AGL: variants seen among roughly 807,000 people sequenced by gnomAD.
AGL encodes the protein amylo-alpha-1,6-glucosidase and 4-alpha-glucanotransferase.
Under a neutral mutation model 199.3 loss-of-function variants are expected in AGL, and 128 were observed. The observed-to-expected ratio is 0.64, with a 90% confidence interval of 0.56 to 0.74. The LOEUF is 0.74. Among genes scored for constraint, AGL ranks in the 30% least tolerant of loss-of-function variants. The probability of loss-of-function intolerance (pLI) is 0.00; values close to 1 mark genes in which losing one functional copy is unlikely to be tolerated. For missense variants in AGL, 1,809 were observed against 1,820.8 expected (o/e 0.99, Z 0.12); for synonymous variants, 584 against 594.7 (o/e 0.98, Z 0.26).
chr1:99,892,944 C>A (rs549944204), intron 24 of AGL, among the ~76,000 whole-genome samples: 1 of 152,082 alleles, frequency 6.6e-6, no homozygotes, highest in East Asian at 1.9e-4. Context: ...TAAACCCAAT[C>A]TTGTAATTAT....
chr1:99,892,766 C>A (rs1353044338), intron 24 of AGL, among the ~76,000 whole-genome samples, 159 bp downstream of exon 24: 2 of 152,070 alleles, frequency 1.3e-5, no homozygotes. Flanking sequence ...AAAATAATAA[C>A]CATGCTTACT....
chr1:99,905,491 T>A (rs934614759), intron 27 of AGL, among the ~76,000 whole-genome samples: 1 of 152,198 alleles, frequency 6.6e-6, no homozygotes, highest in Non-Finnish European at 1.5e-5. Flanking sequence ...TGGCTAATGG[T>A]ATGGAATATC....
chr1:99,905,227 T>G (rs998750656), intron 27 of AGL, among the ~76,000 whole-genome samples: 1 of 152,162 alleles, frequency 6.6e-6, no homozygotes, highest in African/African-American at 2.4e-5. Flanking sequence ...AGATGGAGTC[T>G]TGCTCTGTCC....
rs753243528 is a variant in AGL, at chr1:99,851,117, T to G, written c.75T>G (p.Leu25=). 10 of 1,613,680 alleles carry G rather than the reference T, an allele frequency of 6.2e-6. No individual in the cohort carries two copies. The highest frequency in any genetic ancestry group is 7.6e-6 in the Non-Finnish European group (9 of 1,179,694). Residue 25 remains leucine, a synonymous_variant, in exon 2 of 34, where the codon CTT becomes CTG. Transcript: ENST00000361915. ...AACTGGAAAAGACCCTCTTCAGACT[T>G]GAACAAGGTCAGTAGCAAGTTGTTT... is the stretch of plus-strand genomic sequence containing the variant. ...MEKLEKTLFR[L]EQGYELQFRL... is the part of the protein sequence containing the mutation.
chr1:99,859,704 C>T (rs757600541), intron 2 of AGL, among the ~76,000 whole-genome samples: 2 of 151,998 alleles, frequency 1.3e-5, no homozygotes, highest in African/African-American at 4.8e-5. Context: ...ACCACCACAC[C>T]CAGCTATTTT....
intron 2 of AGL, chr1:99,852,846 C>T (rs1441854285): frequency 2.0e-5 from 14 of 705,798 alleles, no homozygotes; most frequent in Non-Finnish European, 3.6e-5. Flanking sequence ...CCACCCTGGA[C>T]CTTGGCTTCA....
intron 7 of AGL, among the ~76,000 whole-genome samples, chr1:99,873,840 C>T (rs776796687): frequency 6.6e-6 from 1 of 152,164 alleles, no homozygotes; most frequent in Non-Finnish European, 1.5e-5. Context: ...AACCACTACA[C>T]TATGAAACCC....
chr1:99,875,923 G>A (rs981385561), intron 10 of AGL, among the ~76,000 whole-genome samples: 1 of 152,112 alleles, frequency 6.6e-6, no homozygotes, highest in African/African-American at 2.4e-5. Flanking sequence ...CACCCAGGCT[G>A]GAGTGCAGTG....
intron 26 of AGL, among the ~76,000 whole-genome samples, chr1:99,901,097 G>A (rs1374868143): frequency 6.6e-6 from 1 of 152,074 alleles, no homozygotes; most frequent in Non-Finnish European, 1.5e-5. Flanking sequence ...GCAATAGATT[G>A]TAGAGGAAGT....
chr1:99,910,851 G>A lies in AGL; in HGVS notation c.3836+4G>A, dbSNP rs1488570554. On this transcript the variant is annotated splice_donor_region_variant and intron_variant, in intron 28 of 33. Transcript: ENST00000361915. ...GAGGAATCCCAGCCACACCAAGGTAGTGTAAATGTTATAATGCTGTGTAAT... is the reference window on the plus strand; with the variant it reads ...GAGGAATCCCAGCCACACCAAGGTAATGTAAATGTTATAATGCTGTGTAAT... The A allele has an allele frequency of 9.3e-6, 15 of 1,611,780 alleles. No individual in the cohort carries two copies. The highest frequency in any genetic ancestry group is 1.1e-5 in the South Asian group (1 of 90,912).
At chr1:99,874,126 A>G (rs1651269637) in intron 7 of AGL, among the ~76,000 whole-genome samples, 1 of 152,130 alleles carries the variant, frequency 6.6e-6, no homozygotes, top group Admixed American at 6.5e-5. Context: ...AGAGAATTCA[A>G]AGAAAGTCAG....
chr1:99,855,550 C>T lies in AGL; in HGVS notation c.82+4426C>T, dbSNP rs571626120. On this transcript the variant is annotated intron_variant, in intron 2 of 33. Coordinates refer to ENST00000361915, the MANE Select transcript of AGL (RefSeq NM_000642.3). Reference sequence around the variant, plus strand: ...GCACGGTGGCTTACTCCTGTAATCCCGGCACTTTGGGAGGCCGAGGCGGGT... The same window carrying T: ...GCACGGTGGCTTACTCCTGTAATCCTGGCACTTTGGGAGGCCGAGGCGGGT... Among the ~76,000 whole-genome samples, 7 of 151,904 alleles carry T rather than the reference C, an allele frequency of 4.6e-5. No homozygotes were observed. In the South Asian group the frequency reaches 8.3e-4, roughly 18 times the overall value.
In AGL at chr1:99,923,243, G is replaced by C. The variant is rs1358860997; in HGVS notation, c.*1592G>C. ...CCCTTTCTTCTTCAGTTCCTTCCTT[G>C]TTCAATATATACCCTTCTCTAAACT... On this transcript the variant is annotated 3_prime_UTR_variant, in exon 34 of 34. Transcript: ENST00000361915. 5.9e-5 allele frequency: 9 copies of C among 151,960 alleles called. No individual in the cohort carries two copies. Among genetic ancestry groups the C allele is most frequent in the Non-Finnish European group, 1.5e-5 (1 of 67,954 alleles). The allele number at this position is 151,960 out of a possible 1,614,324, so 9.4% of individuals were successfully genotyped here. A position where few individuals can be genotyped will look rare whatever the true frequency, so the allele number is the denominator to read the frequency against.
intron 21 of AGL, among the ~76,000 whole-genome samples, chr1:99,890,583 T>C (rs562532121): frequency 6.6e-6 from 1 of 152,126 alleles, no homozygotes; most frequent in South Asian, 2.1e-4. Context: ...GGTAGCATCA[T>C]TGAAATAATA....
rs1329258484 is a variant in AGL at position 99,881,312 on chromosome 1, A to G, written c.2022A>G (p.Glu674=). Residue 674 remains glutamate (E), a synonymous_variant, in exon 16 of 34, where the codon GAA becomes GAG. Coordinates refer to ENST00000361915, the MANE Select transcript of AGL (RefSeq NM_000642.3). ...VPHQISVVSE[E]RFYTKWNPEA... ...TCCAGATTTCAGTGGTTTCTGAAGA[A>G]CGGTTTTACACTAAGTGGAATCCTG... The G allele has an allele frequency of 5.6e-6, 9 of 1,613,982 alleles. No homozygotes were observed. The African/African-American group carries it at 1.2e-4, about 22-fold the overall frequency.
Position 99,877,654 on chromosome 1 carries a change from C to A in AGL, c.1437C>A (p.Tyr479Ter), listed in dbSNP as rs140095668. 6 of 1,613,868 alleles carry A rather than the reference C, an allele frequency of 3.7e-6. No homozygotes were observed. Among genetic ancestry groups the A allele is most frequent in the Non-Finnish European group, 5.1e-6 (6 of 1,179,932 alleles). ...TTTTCTGAACAGGTTCAGAAGTTTA[C>A]CTAAGGAGAGAACTTATTTGCTGGG... is the stretch of plus-strand genomic sequence containing the variant. ...RNFAEPGSEV[Y>*]LRRELICWGD... is the part of the protein sequence containing the mutation. The change falls in exon 12 of 34, where the codon TAC becomes TAA. Residue 479 changes from tyrosine to a stop codon, truncating the protein, a stop_gained. Transcript: ENST00000361915. LOFTEE classifies it high-confidence loss of function.
In AGL at chr1:99,870,484, TAGAC is replaced by T. The variant is rs748789700; in HGVS notation, c.753_756del (p.Asp251GlufsTer23). 29 of 1,613,940 alleles carry T rather than the reference TAGAC, an allele frequency of 1.8e-5. No homozygotes were observed. Among genetic ancestry groups the T allele is most frequent in the South Asian group, 1.3e-4 (12 of 91,086 alleles). ...CCACACTTAAAACCTGCCTGGGTCT[TAGAC>T]AGAGCACTTTGGCGTTTCTCCTGTG... On this transcript the variant is annotated frameshift_variant, in exon 6 of 34. Transcript: ENST00000361915. LOFTEE classifies it high-confidence loss of function.
rs775625160 is a variant in AGL at position 99,900,593 on chromosome 1, GTGTT to G, written c.3363-37_3363-34del. 9.6e-6 allele frequency: 15 copies of G among 1,563,374 alleles called. No homozygotes were observed. In the African/African-American group the frequency reaches 1.8e-4, roughly 18 times the overall value. ...ACTGGTTTTTGTCTTCAATTTTTAA[GTGTT>G]TGTTTTCATTTCTGATCCACTTAAT... On this transcript the variant is annotated intron_variant, in intron 25 of 33. Coordinates refer to ENST00000361915, the MANE Select transcript of AGL (RefSeq NM_000642.3).
intron 17 of AGL, among the ~76,000 whole-genome samples, chr1:99,883,343 T>C (rs777167700): frequency 2.6e-5 from 4 of 152,138 alleles, no homozygotes; most frequent in Non-Finnish European, 4.4e-5. Context: ...TCCCTAGGTA[T>C]ATATCTGGGA....
Sources: gnomAD v4.1 joint callset for allele counts (sites outside exome capture counted in the v4.1 genomes callset) on GRCh38, gnomAD v4.1.1 for gene constraint, MANE v1.5 for transcripts, NCBI Gene and HGNC (gene_info 2026-07-23, HGNC 2026-07-21) for gene names.